The following COG6 variants were observed in gnomAD, a reference collection of about 807,000 sequenced individuals.
The protein encoded by COG6 is conserved oligomeric Golgi complex subunit 6.
Under a neutral mutation model 88.8 loss-of-function variants are expected in COG6, and 74 were observed. The observed-to-expected ratio is 0.83, with a 90% CI of 0.69 to 1.01. The LOEUF (loss-of-function observed/expected upper bound fraction) is 1.01, where lower values mean the gene tolerates loss of function less well. Among genes scored for constraint, COG6 ranks in the 50% least tolerant of loss-of-function variants. COG6 has a pLI of 0.00. For missense variants in COG6, 800 were observed against 797.9 expected (o/e 1.00, Z -0.03); for synonymous variants, 286 against 278.7 (o/e 1.03, Z -0.26).
intron 4 of COG6, among the ~76,000 whole-genome samples, 154 bp downstream of exon 4, chr13:39,665,308 A>C (rs1875182298): frequency 6.6e-6 from 1 of 152,224 alleles, no homozygotes; most frequent in Non-Finnish European, 1.5e-5. Context: ...TAACTTAAGC[A>C]TAAAGACAGT....
intron 18 of COG6, among the ~76,000 whole-genome samples, chr13:39,784,862 T>C (rs189976201): frequency 1.3e-5 from 2 of 152,282 alleles, no homozygotes; most frequent in Non-Finnish European, 2.9e-5. Context: ...GGGGACAGTC[T>C]GGTAGCCTGA....
intron 12 of COG6, among the ~76,000 whole-genome samples, chr13:39,698,203 T>C (rs1877383371): frequency 6.6e-6 from 1 of 151,938 alleles, no homozygotes; most frequent in Non-Finnish European, 1.5e-5. Context: ...AATGTAAATG[T>C]ATGTTGAGTT....
At chr13:39,740,995 A>C (rs1880012867) in intron 18 of COG6, among the ~76,000 whole-genome samples, 2 of 152,182 alleles carry the variant, frequency 1.3e-5, no homozygotes, top group South Asian at 4.1e-4. Flanking sequence ...GTTTATGGTA[A>C]TGATGAAAGT....
chr13:39,723,778 A>G (rs1878981260), intron 16 of COG6, among the ~76,000 whole-genome samples: 1 of 152,084 alleles, frequency 6.6e-6, no homozygotes, highest in East Asian at 1.9e-4. Context: ...AAATGTCTAA[A>G]GAATATTCAT....
intron 18 of COG6, among the ~76,000 whole-genome samples, chr13:39,748,444 G>T (rs1233869756): frequency 6.6e-6 from 1 of 151,686 alleles, no homozygotes; most frequent in Non-Finnish European, 1.5e-5. Context: ...ATGAAACCCC[G>T]TCTCTACTAA....
intron 8 of COG6, among the ~76,000 whole-genome samples, chr13:39,685,917 A>G (rs543359382): frequency 6.6e-6 from 1 of 152,308 alleles, no homozygotes; most frequent in South Asian, 2.1e-4. Context: ...TTTTTAATGG[A>G]AGACAAACCC....
intron 13 of COG6, among the ~76,000 whole-genome samples, chr13:39,715,403 C>T (rs1166509726): frequency 2.0e-5 from 3 of 151,968 alleles, no homozygotes; most frequent in African/African-American, 2.4e-5. Context: ...AGCTGTACTC[C>T]TCATCTAGCT....
At chr13:39,757,459 AACAGAG>A (rs1013537342), downstream of COG6, among the ~76,000 whole-genome samples, 1 of 152,036 alleles carries the variant, frequency 6.6e-6, no homozygotes, top group Non-Finnish European at 1.5e-5. Flanking sequence ...TAAAGATTAT[AACAGAG>A]ACAAAGAAAA....
chr13:39,753,135 C>T (rs1880722817), downstream of COG6, among the ~76,000 whole-genome samples: 3 of 152,140 alleles, frequency 2.0e-5, no homozygotes, highest in Non-Finnish European at 4.4e-5. Context: ...TGTTGAAATC[C>T]TCACCCCTCA....
Position 39,734,054 on chromosome 13 carries a change from C to CA in COG6, c.1826+6512dup, listed in dbSNP as rs1219928524. Reference sequence around the variant, plus strand: ...GGTTTGTCAATTTTGTCTATCTTTTCAAAAAATCACCTTTTGTTTCATCAC... The same window carrying CA: ...GGTTTGTCAATTTTGTCTATCTTTTCAAAAAAATCACCTTTTGTTTCATCAC... On this transcript the variant is annotated intron_variant, in intron 18 of 18. Coordinates refer to ENST00000455146, the MANE Select transcript of COG6 (RefSeq NM_020751.3). 5.9e-5 allele frequency among the ~76,000 whole-genome samples: 9 copies of CA among 152,100 alleles called. No homozygotes were observed. The South Asian group carries it at 1.7e-3, about 28-fold the overall frequency.
At chr13:39,772,687 G>C (rs576468392) in intron 18 of COG6, among the ~76,000 whole-genome samples, 3 of 152,224 alleles carry the variant, frequency 2.0e-5, no homozygotes, top group Admixed American at 1.3e-4. Flanking sequence ...GCTGGCCTGA[G>C]AACTCAGTTC....
intron 18 of COG6, among the ~76,000 whole-genome samples, chr13:39,736,311 T>C (rs1879742004): frequency 6.6e-6 from 1 of 152,208 alleles, no homozygotes. Flanking sequence ...ATGCATTCTT[T>C]AGCATGTCAC....
chr13:39,707,374 G>A (rs779419821), intron 13 of COG6, among the ~76,000 whole-genome samples: 5 of 151,806 alleles, frequency 3.3e-5, no homozygotes, highest in Admixed American at 6.6e-5. Context: ...TGATCCGCCC[G>A]CCTCAGCCTT....
chr13:39,761,504 A>C (rs1222307271), intron 18 of COG6, among the ~76,000 whole-genome samples: 2 of 152,076 alleles, frequency 1.3e-5, no homozygotes, highest in African/African-American at 2.4e-5. Context: ...CCTCAAAAGC[A>C]TAGGCAACAA....
At chr13:39,743,871 T>C (rs540338134) in intron 18 of COG6, among the ~76,000 whole-genome samples, 115 of 152,134 alleles carry the variant, frequency 7.6e-4, no homozygotes, top group Middle Eastern at 3.4e-3. Flanking sequence ...ACTGGCAAAC[T>C]GAATCCAGCA....
intron 12 of COG6, among the ~76,000 whole-genome samples, 159 bp from the exon 13 acceptor site, chr13:39,699,342 G>T (rs1877446201): frequency 6.6e-6 from 1 of 151,596 alleles, no homozygotes; most frequent in African/African-American, 2.4e-5. Context: ...CAAAAATCCT[G>T]ATTTTTAAAA....
chr13:39,781,484 G>T (rs1486738983), intron 18 of COG6, among the ~76,000 whole-genome samples: 1 of 151,346 alleles, frequency 6.6e-6, no homozygotes, highest in African/African-American at 2.4e-5. Flanking sequence ...TGGCTGGAAT[G>T]GAACTATTTC....
rs1566165142 is a variant in COG6, at chr13:39,655,705, A to C, written c.-22A>C. ...GTCCCTGCCTGGCTGAGGTGGCAGC[A>C]GGGGGCGGGACGCGCAGCGCTATGG... On this transcript the variant is annotated 5_prime_UTR_variant, in exon 1 of 19. Transcript: ENST00000455146. 6.3e-7 allele frequency: 1 copy of C among 1,579,782 alleles called. No individual in the cohort carries two copies. The highest frequency in any genetic ancestry group is 1.8e-5 in the Admixed American group (1 of 56,504).
chr13:39,706,222 T>TAA (rs1407420673), intron 13 of COG6, among the ~76,000 whole-genome samples: 1 of 127,914 alleles, frequency 7.8e-6, no homozygotes, highest in Non-Finnish European at 1.6e-5. Flanking sequence ...CCTTTATATA[T>TAA]ATATATACTC....
Sources: allele counts gnomAD v4.1 joint callset (sites outside exome capture counted in the v4.1 genomes callset), GRCh38; gene constraint gnomAD v4.1.1; transcripts MANE v1.5; gene names NCBI Gene and HGNC (gene_info 2026-07-23, HGNC 2026-07-21).